STAG1: variants seen among roughly 807,000 people sequenced by gnomAD.
STAG1 encodes the protein STAG1 cohesin complex component, also known as cohesin subunit SA-1.
In STAG1, 26 loss-of-function variants were observed where a neutral mutation model predicts 170.9. The ratio of observed to expected loss-of-function variants is 0.15; its 90% CI spans 0.11 to 0.21. STAG1 has a LOEUF of 0.21. Ranked by LOEUF, STAG1 falls within the 10% of genes least tolerant of loss-of-function variation. STAG1 has a pLI of 1.00. For missense variants in STAG1, 964 were observed against 1,509.5 expected (o/e 0.64, Z 5.99); for synonymous variants, 514 against 497.7 (o/e 1.03, Z -0.44).
At chr3:136,629,224 C>G (rs1940227054) in intron 2 of STAG1, among the ~76,000 whole-genome samples, 1 of 152,006 alleles carries the variant, frequency 6.6e-6, no homozygotes, top group Non-Finnish European at 1.5e-5. Context: ...TACCTAATAC[C>G]CAACAGTGTC....
chr3:136,665,030 G>A (rs1001865832), intron 1 of STAG1, among the ~76,000 whole-genome samples: 1 of 152,216 alleles, frequency 6.6e-6, no homozygotes. Context: ...TTTTGAAATT[G>A]CTTGGGACTT....
chr3:136,625,428 A>G (rs1281141414), intron 2 of STAG1, among the ~76,000 whole-genome samples: 1 of 152,210 alleles, frequency 6.6e-6, no homozygotes, highest in East Asian at 1.9e-4. Flanking sequence ...CATGCATGAC[A>G]TACTTACTTG....
chr3:136,571,059 A>G (rs979012694), intron 4 of STAG1, among the ~76,000 whole-genome samples: 1 of 152,238 alleles, frequency 6.6e-6, no homozygotes, highest in Non-Finnish European at 1.5e-5. Context: ...TTTTAGACTC[A>G]GGACTGAAGC....
chr3:136,722,363 A>G (rs1369268031), intron 1 of STAG1, among the ~76,000 whole-genome samples: 1 of 152,228 alleles, frequency 6.6e-6, no homozygotes, highest in Non-Finnish European at 1.5e-5. Context: ...ACAAATGTTA[A>G]GGTGATGTCT....
intron 3 of STAG1, among the ~76,000 whole-genome samples, chr3:136,622,088 A>G (rs1318213404): frequency 6.8e-6 from 1 of 146,516 alleles, no homozygotes; most frequent in Non-Finnish European, 1.5e-5. Context: ...ACCTGATGTC[A>G]AGAGTTCGAG....
At chr3:136,535,386 G>A (rs1241178416) in intron 6 of STAG1, among the ~76,000 whole-genome samples, 2 of 152,208 alleles carry the variant, frequency 1.3e-5, no homozygotes, top group African/African-American at 4.8e-5. Flanking sequence ...GAGAGAGCTG[G>A]GTGCGGTGGC....
At chr3:136,432,695 C>T (rs541371636) in intron 16 of STAG1, among the ~76,000 whole-genome samples, 119 of 152,074 alleles carry the variant, frequency 7.8e-4, no homozygotes, top group Middle Eastern at 6.8e-3. Context: ...TTAGTAGAGA[C>T]GGGGTTTCAC....
At chr3:136,442,363 AC>A (rs952285993) in intron 15 of STAG1, among the ~76,000 whole-genome samples, 14 of 152,360 alleles carry the variant, frequency 9.2e-5, no homozygotes, top group African/African-American at 3.4e-4. Context: ...GTAACCATAC[AC>A]AGGAAAAAGC....
At chr3:136,467,358 C>T (rs1010190900) in intron 12 of STAG1, among the ~76,000 whole-genome samples, 1 of 152,046 alleles carries the variant, frequency 6.6e-6, no homozygotes, top group Non-Finnish European at 1.5e-5. Flanking sequence ...GGGTTGCAAT[C>T]CTAGTCTCTG....
At chr3:136,631,911 A>C (rs1940346522) in intron 1 of STAG1, among the ~76,000 whole-genome samples, 1 of 152,190 alleles carries the variant, frequency 6.6e-6, no homozygotes. Flanking sequence ...CATGTAAGAT[A>C]TCAAAACAGA....
At chr3:136,401,701 A>G (rs1036748898) in intron 21 of STAG1, among the ~76,000 whole-genome samples, 14 of 152,188 alleles carry the variant, frequency 9.2e-5, no homozygotes, top group African/African-American at 3.4e-4. Flanking sequence ...TGTACACAAA[A>G]TGTTTACTAC....
chr3:136,660,571 T>C (rs34553037), intron 1 of STAG1, among the ~76,000 whole-genome samples: 30,859 of 151,992 alleles, frequency 0.2, 3,305 homozygotes, highest in Non-Finnish European at 0.23. Flanking sequence ...GGAAAATACG[T>C]TGGGTAACAT....
At chr3:136,574,459 C>T (rs1937383722) in intron 4 of STAG1, among the ~76,000 whole-genome samples, 1 of 151,864 alleles carries the variant, frequency 6.6e-6, no homozygotes, top group African/African-American at 2.4e-5. Context: ...TGTATATACA[C>T]ATACATACAC....
intron 16 of STAG1, among the ~76,000 whole-genome samples, chr3:136,427,013 T>A (rs923093470): frequency 6.7e-6 from 1 of 149,338 alleles, no homozygotes; most frequent in African/African-American, 2.5e-5. Flanking sequence ...TGAGCCGAGA[T>A]CGCGCCACCG....
chr3:136,567,030 A>G (rs1470668166), intron 5 of STAG1, among the ~76,000 whole-genome samples: 2 of 152,232 alleles, frequency 1.3e-5, no homozygotes, highest in African/African-American at 4.8e-5. Flanking sequence ...ATAGATGGAC[A>G]GACAGTTAAG....
At chr3:136,646,614 G>A (rs1941024573) in intron 1 of STAG1, among the ~76,000 whole-genome samples, 1 of 152,108 alleles carries the variant, frequency 6.6e-6, no homozygotes, top group African/African-American at 2.4e-5. Flanking sequence ...ACTATAAGAT[G>A]ACAGTAGTTA....
chr3:136,380,223 G>T (rs942297016), intron 22 of STAG1, among the ~76,000 whole-genome samples: 1 of 151,930 alleles, frequency 6.6e-6, no homozygotes, highest in Non-Finnish European at 1.5e-5. Flanking sequence ...GTATTTTATT[G>T]CATATTAACA....
rs1350552566 is a variant in STAG1, at chr3:136,474,658, A to C, written c.1027-1021T>G. On this transcript the variant is annotated intron_variant, in intron 10 of 33. Coordinates refer to ENST00000383202, the MANE Select transcript of STAG1 (RefSeq NM_005862.3). Reference sequence around the variant, plus strand: ...GATTCAAGCCTACAGTAGCATACATACCATGAGATGTGCTATGAGATAACG... The same window carrying C: ...GATTCAAGCCTACAGTAGCATACATCCCATGAGATGTGCTATGAGATAACG... Among the ~76,000 whole-genome samples, 9 of 152,310 alleles carry C rather than the reference A, an allele frequency of 5.9e-5. No homozygotes were observed. The East Asian group carries it at 1.5e-3, about 26-fold the overall frequency.
At chr3:136,470,891 C>G (rs536514125) in intron 12 of STAG1, among the ~76,000 whole-genome samples, 5 of 151,040 alleles carry the variant, frequency 3.3e-5, no homozygotes. Flanking sequence ...GGACAAAAAA[C>G]CAAACACTGC....
Sources: gnomAD v4.1 joint callset for allele counts (sites outside exome capture counted in the v4.1 genomes callset) on GRCh38, gnomAD v4.1.1 for gene constraint, MANE v1.5 for transcripts, NCBI Gene and HGNC (gene_info 2026-07-23, HGNC 2026-07-21) for gene names.